ATAD3B: variants seen among roughly 807,000 people sequenced by gnomAD.
The protein encoded by ATAD3B is ATPase family AAA domain containing 3B, also known as ATPase family AAA domain-containing protein 3B.
In ATAD3B, 59 loss-of-function variants were observed where a neutral mutation model predicts 70.2. That is an observed-to-expected ratio of 0.84 (90% confidence interval 0.68 to 1.04). ATAD3B has a LOEUF of 1.04. Among genes scored for constraint, ATAD3B ranks in the 50% least tolerant of loss-of-function variants. The probability of loss-of-function intolerance (pLI) is 0.00; values close to 1 mark genes in which losing one functional copy is unlikely to be tolerated. For missense variants in ATAD3B, 961 were observed against 913.4 expected, an observed-to-expected ratio of 1.05 and a Z score of -0.67; for synonymous variants, 423 against 388.6, an observed-to-expected ratio of 1.09 and a Z score of -1.04.
intron 1 of ATAD3B, among the ~76,000 whole-genome samples, chr1:1,475,482 G>C (rs545726847): frequency 2.0e-5 from 3 of 151,744 alleles, no homozygotes; most frequent in Non-Finnish European, 4.4e-5. Flanking sequence ...CCGTTGCTTT[G>C]TCCTTGCTGC....
At position 1,489,290 on chromosome 1, in the gene ATAD3B, G is replaced by C. The variant is rs758130736; in HGVS notation, c.1337+16G>C. 1.9e-6 allele frequency: 3 copies of C among 1,613,258 alleles called. No homozygotes were observed. The South Asian group carries it at 3.3e-5, about 18-fold the overall frequency. The stretch of plus-strand genomic sequence containing the variant: ...ACAGCAACAAGTGAGGGAGCCCCTC[G>C]GGTCCTGAGCCCCCGGGCAGGGCTG... On this transcript the variant is annotated intron_variant, in intron 13 of 15. Transcript: ENST00000673477.
the ATAD3B span, among the ~76,000 whole-genome samples, chr1:1,508,524 C>T: frequency 2.5e-4 from 38 of 151,552 alleles, 1 homozygote; most frequent in African/African-American, 7.3e-4. Flanking sequence ...CTGAGCACGG[C>T]GCCCAGTGGG....
the ATAD3B span, among the ~76,000 whole-genome samples, chr1:1,504,147 C>A: frequency 6.6e-6 from 1 of 151,836 alleles, no homozygotes; most frequent in South Asian, 2.1e-4. Context: ...ACCACCACAC[C>A]CGGCTAATTT....
intron 4 of ATAD3B, among the ~76,000 whole-genome samples, chr1:1,480,087 G>A (rs1382983248): frequency 5.6e-5 from 8 of 142,674 alleles, no homozygotes; most frequent in African/African-American, 8.0e-5. Flanking sequence ...ATGGGCACAC[G>A]CGCACACCGC....
the ATAD3B span, chr1:1,503,477 G>A: frequency 2.8e-6 from 3 of 1,057,824 alleles, no homozygotes; most frequent in South Asian, 4.3e-5. Context: ...GGGGCTTTGA[G>A]GTCGAGGCGT....
chr1:1,488,197 T>G (rs1466602451), intron 12 of ATAD3B, among the ~76,000 whole-genome samples: 2 of 151,960 alleles, frequency 1.3e-5, no homozygotes, highest in Non-Finnish European at 2.9e-5. Flanking sequence ...TCTCAAATGA[T>G]CTGCCCACCT....
At position 1,471,816 on chromosome 1, in the gene ATAD3B, C is replaced by T. The variant is rs915174767; in HGVS notation, c.-69C>T. On this transcript the variant is annotated 5_prime_UTR_variant, in exon 1 of 16. Coordinates refer to ENST00000673477, the MANE Select transcript of ATAD3B (RefSeq NM_031921.6). ...ACCGGCTCGCGGCGCGTGGAGGCTGCTCCCAGCCGCGCCCGAGTCAGACTC... is the reference window on the plus strand; with the variant it reads ...ACCGGCTCGCGGCGCGTGGAGGCTGTTCCCAGCCGCGCCCGAGTCAGACTC... 1.1e-4 allele frequency: 136 copies of T among 1,233,398 alleles called. 3 individuals carry two copies. Among genetic ancestry groups the T allele is most frequent in the Non-Finnish European group, 1.3e-4 (130 of 986,646 alleles). 76.4% of individuals were successfully genotyped at this position (1,233,398 alleles called of 1,614,324 possible). A position where few individuals can be genotyped will look rare whatever the true frequency, so the allele number is the denominator to read the frequency against.
At chr1:1,473,598 G>T (rs1181728631) in intron 1 of ATAD3B, among the ~76,000 whole-genome samples, 2 of 147,218 alleles carry the variant, frequency 1.4e-5, no homozygotes, top group African/African-American at 5.0e-5. Flanking sequence ...CTGGTTCAAA[G>T]AATTCTGCTG....
intron 7 of ATAD3B, 153 bp downstream of exon 7, chr1:1,482,767 G>A: frequency 1.6e-6 from 2 of 1,260,684 alleles, no homozygotes; most frequent in Non-Finnish European, 2.2e-6. Flanking sequence ...GGGCTCGGCT[G>A]CTCCTCCCTC....
In ATAD3B at chr1:1,495,911, T is replaced by C. The variant is rs1640770409; in HGVS notation, c.*94T>C. ...CTGGCTCACAGGGGGAGGGTGAGGC[T>C]TTGTACCCCAGCCCCTGCCCAGGCC... On this transcript the variant is annotated 3_prime_UTR_variant, in exon 16 of 16. Coordinates refer to ENST00000673477, the MANE Select transcript of ATAD3B (RefSeq NM_031921.6). The C allele has an allele frequency of 6.9e-7, 1 of 1,449,688 alleles. No homozygotes were observed. The highest frequency in any genetic ancestry group is 9.0e-7 in the Non-Finnish European group (1 of 1,105,578). The allele number at this position is 1,449,688 out of a possible 1,614,324, so 89.8% of individuals were successfully genotyped here.
At position 1,490,491 on chromosome 1, in the gene ATAD3B, T is replaced by G. The variant is rs762536872; in HGVS notation, c.1505+67T>G. The G allele has an allele frequency of 3.1e-6, 5 of 1,610,976 alleles. No individual in the cohort carries two copies. The African/African-American group carries it at 6.7e-5, about 22-fold the overall frequency. Reference sequence around the variant, plus strand: ...ATGGCATGGGTGTAGGCCAGCTGCCTGTCTTCCGGCCTCCACCTCATGGTG... The same window carrying G: ...ATGGCATGGGTGTAGGCCAGCTGCCGGTCTTCCGGCCTCCACCTCATGGTG... On this transcript the variant is annotated intron_variant, in intron 14 of 15. Coordinates refer to ENST00000673477, the MANE Select transcript of ATAD3B (RefSeq NM_031921.6).
chr1:1,491,141 C>T (rs546050074), intron 15 of ATAD3B, among the ~76,000 whole-genome samples: 2 of 151,992 alleles, frequency 1.3e-5, no homozygotes, highest in South Asian at 4.2e-4. Context: ...TCCGATTGTC[C>T]CACAGTTAGT....
chr1:1,504,904 G>A, the ATAD3B span, among the ~76,000 whole-genome samples: 1 of 152,140 alleles, frequency 6.6e-6, no homozygotes, highest in Non-Finnish European at 1.5e-5. Flanking sequence ...ACCGCGCCCA[G>A]TGCCAACTTT....
intron 1 of ATAD3B, among the ~76,000 whole-genome samples, chr1:1,474,521 A>G (rs1218394351): frequency 1.6e-5 from 2 of 124,866 alleles, no homozygotes; most frequent in African/African-American, 6.2e-5. Flanking sequence ...TGTTTTTGAG[A>G]CTGAGTCTGG....
At chr1:1,484,409 C>T (rs1286030543) in intron 7 of ATAD3B, 1 of 152,330 alleles carries the variant, frequency 6.6e-6, no homozygotes, top group Non-Finnish European at 1.5e-5. Flanking sequence ...TTTCGATCTC[C>T]TGACCTCGTG....
chr1:1,479,888 A>G (rs909087291), intron 4 of ATAD3B, among the ~76,000 whole-genome samples: 1 of 141,078 alleles, frequency 7.1e-6, no homozygotes, highest in Non-Finnish European at 1.5e-5. Context: ...CCACACGGGC[A>G]TGCACACGCC....
the ATAD3B span, among the ~76,000 whole-genome samples, chr1:1,504,615 A>C: frequency 6.6e-6 from 1 of 152,036 alleles, no homozygotes. Context: ...ACGTCATTGC[A>C]CTGAAGCCTC....
rs181915256 is a variant in ATAD3B, at chr1:1,476,924, G to C, written c.206-350G>C. Among the ~76,000 whole-genome samples the C allele has an allele frequency of 5.5e-4, 83 of 152,070 alleles. 1 individual carries two copies. Among genetic ancestry groups the C allele is most frequent in the African/African-American group, 1.9e-3 (79 of 41,506 alleles). The stretch of plus-strand genomic sequence containing the variant: ...CAGGTTCCAGCAATTCTCCAGCCTT[G>C]GCCTCCCCAGTAGCTGAGATCACAG... On this transcript the variant is annotated intron_variant, in intron 1 of 15. Transcript: ENST00000673477.
chr1:1,507,897 G>A, the ATAD3B span, among the ~76,000 whole-genome samples: 8 of 152,352 alleles, frequency 5.3e-5, no homozygotes, highest in East Asian at 3.9e-4. Flanking sequence ...GCCTCGCCAC[G>A]TGGTGAACGT....
Sources: allele counts gnomAD v4.1 joint callset (sites outside exome capture counted in the v4.1 genomes callset), GRCh38; gene constraint gnomAD v4.1.1; transcripts MANE v1.5; gene names NCBI Gene and HGNC (gene_info 2026-07-23, HGNC 2026-07-21).